SUMF2: variants seen among roughly 807,000 people sequenced by gnomAD.
SUMF2 encodes the protein sulfatase modifying factor 2.
SUMF2 carries 45 observed loss-of-function variants against 44.8 expected under a neutral mutation model. The ratio of observed to expected loss-of-function variants is 1.00; its 90% confidence interval spans 0.79 to 1.29. SUMF2 has a LOEUF of 1.29. Among genes scored for constraint, SUMF2 ranks in the 50% most tolerant of loss-of-function variants. The probability of loss-of-function intolerance (pLI) is 0.00; values close to 1 mark genes in which losing one functional copy is unlikely to be tolerated. For synonymous variants in SUMF2, 148 were observed against 150.4 expected, an observed-to-expected ratio of 0.98 and a Z score of 0.12; for missense variants, 418 against 389.9, an observed-to-expected ratio of 1.07 and a Z score of -0.61.
downstream of SUMF2, chr7:56,081,971 C>G: frequency 6.2e-7 from 1 of 1,613,956 alleles, no homozygotes. The surrounding 1 kb of genome is among the most constrained non-coding windows in gnomAD (Gnocchi z 4.6). Context: ...TCATCCTCAG[C>G]ATCAGCATCT....
Position 56,076,880 on chromosome 7 carries a change from C to T in SUMF2, c.582C>T (p.Asn194=). 2 of 1,606,380 alleles carry T rather than the reference C, an allele frequency of 1.2e-6. No homozygotes were observed. Among genetic ancestry groups the T allele is most frequent in the Admixed American group, 1.7e-5 (1 of 58,800 alleles). ...WGNWFQPNRT[N]LWQGKFPKGD... ...ACTGGTTCCAGCCAAACCGCACCAA[C>T]CTGTGGCAGGTAAGACCTACGTTCC... is the stretch of plus-strand genomic sequence containing the variant. Residue 194 remains asparagine, a synonymous_variant, in exon 6 of 9, where the codon AAC becomes AAT. Transcript: ENST00000434526.
intron 1 of SUMF2, among the ~76,000 whole-genome samples, chr7:56,066,466 G>A (rs1188710028): frequency 2.0e-5 from 3 of 152,094 alleles, no homozygotes; most frequent in Non-Finnish European, 4.4e-5. Flanking sequence ...TTTATTTTGA[G>A]ACAGAGTCTT....
At chr7:56,081,271 A>C (rs1562875685), downstream of SUMF2, 1 of 1,611,808 alleles carries the variant, frequency 6.2e-7, no homozygotes, top group African/African-American at 1.3e-5. This position sits in a 1 kb window ranked among gnomAD's most constrained non-coding sequence, Gnocchi z 4.6. Context: ...GTAGATCCGC[A>C]CTGAAGCCAG....
At position 56,073,072 on chromosome 7, in the gene SUMF2, C is replaced by G. The variant is rs1416442583; in HGVS notation, c.300C>G (p.Val100=). The change falls in exon 3 of 9, where the codon GTC becomes GTG. Residue 100 remains valine, a synonymous_variant. Coordinates refer to ENST00000434526, the MANE Select transcript of SUMF2 (RefSeq NM_015411.4). ...GGAGCTTTGTCTTTGAGGACTTTGT[C>G]TCTGATGAGCTGAGAAACAAAGCCA... The part of the protein sequence containing the change: ...FGWSFVFEDF[V]SDELRNKATQ... 7.4e-6 allele frequency: 12 copies of G among 1,614,074 alleles called. No homozygotes were observed. Among genetic ancestry groups the G allele is most frequent in the Non-Finnish European group, 1.0e-5 (12 of 1,180,028 alleles).
intron 6 of SUMF2, among the ~76,000 whole-genome samples, chr7:56,077,221 G>A (rs977403411): frequency 1.3e-5 from 2 of 150,522 alleles, no homozygotes; most frequent in Non-Finnish European, 3.0e-5. Context: ...TAATTTTTTT[G>A]TATTTTTAGT....
chr7:56,081,672 C>T (rs1448596685), downstream of SUMF2: 1 of 1,613,890 alleles, frequency 6.2e-7, no homozygotes, highest in East Asian at 2.2e-5. The surrounding 1 kb of genome is among the most constrained non-coding windows in gnomAD (Gnocchi z 4.6). Context: ...CTTCCTCCAC[C>T]AAGTACTGCT....
Position 56,064,357 on chromosome 7 carries a change from G to T in SUMF2, c.46G>T (p.Val16Phe). Residue 16 changes from valine (V) to phenylalanine (F), a missense_variant, in exon 1 of 9, where the codon GTC becomes TTC. By Grantham distance (50) the Val-to-Phe change is conservative. Transcript: ENST00000434526. ...GCTGCTGCCCCTGCTGTCGCTCCTG[G>T]TCGGCGCGTGGCTCAAGCTAGGTCA... ...LPLLPLLSLLVGAWLKLGNGQ... is the reference protein window; with the variant it reads ...LPLLPLLSLLFGAWLKLGNGQ... The T allele has an allele frequency of 6.2e-7, 1 of 1,604,312 alleles. No individual in the cohort carries two copies. Among genetic ancestry groups the T allele is most frequent in the Non-Finnish European group, 8.5e-7 (1 of 1,175,940 alleles).
At chr7:56,084,359 T>G, downstream of SUMF2, 1 of 561,580 alleles carries the variant, frequency 1.8e-6, no homozygotes, top group Non-Finnish European at 3.1e-6. Context: ...CAGAAGGACG[T>G]GAGTATCCCG....
At chr7:56,074,380 ATCCTGTT>A in intron 4 of SUMF2, 162 bp downstream of exon 4, 1 of 998,758 alleles carries the variant, frequency 1.0e-6, no homozygotes, top group Non-Finnish European at 1.5e-6. Flanking sequence ...ACCTGCCCGA[ATCCTGTT>A]TCCTGTTACC....
chr7:56,066,849 ACCTCAGGTAATCTGCCCG>A (rs1019770464), intron 1 of SUMF2, among the ~76,000 whole-genome samples: 3 of 152,140 alleles, frequency 2.0e-5, no homozygotes, highest in African/African-American at 7.2e-5. Context: ...CCAACTCCTG[ACCTCAGGTAATCTGCCCG>A]CCTCGGCCTC....
downstream of SUMF2, among the ~76,000 whole-genome samples, chr7:56,082,453 C>T (rs1346729067): frequency 6.6e-5 from 10 of 152,040 alleles, no homozygotes; most frequent in South Asian, 1.7e-3. Context: ...ATTAGCTGGG[C>T]GTGGTGGCAT....
rs113902777 is a variant in SUMF2 at position 56,078,607 on chromosome 7, CTGTG to C, written c.821+104_821+107del. The C allele has an allele frequency of 1.3e-5, 17 of 1,356,298 alleles. No individual in the cohort carries two copies. The African/African-American group carries it at 1.3e-4, about 11-fold the overall frequency. The allele number at this position is 1,356,298 out of a possible 1,614,324, so 84.0% of individuals were successfully genotyped here. On this transcript the variant is annotated intron_variant, in intron 8 of 8. Transcript: ENST00000434526. The stretch of plus-strand genomic sequence containing the variant: ...TCCCTACCTTCACACCACCAACCGT[CTGTG>C]TGTGATGAGCTGGTCCCAGCACCTC...
At chr7:56,067,331 T>G (rs1225047367) in intron 1 of SUMF2, among the ~76,000 whole-genome samples, 3 of 152,130 alleles carry the variant, frequency 2.0e-5, no homozygotes, top group Admixed American at 2.0e-4. Context: ...TTTTTATTTT[T>G]TGAGACAGGG....
chr7:56,080,925 T>C (rs1396301839), downstream of SUMF2: 1 of 1,113,510 alleles, frequency 9.0e-7, no homozygotes, highest in Non-Finnish European at 1.3e-6. Context: ...TGGCCTCAGT[T>C]CCAGGGGTTC....
At position 56,079,684 on chromosome 7, in the gene SUMF2, C is replaced by T; in HGVS notation, c.*72C>T. 5.0e-6 allele frequency: 8 copies of T among 1,613,906 alleles called. No individual in the cohort carries two copies. Among genetic ancestry groups the T allele is most frequent in the Non-Finnish European group, 5.1e-6 (6 of 1,179,884 alleles). The stretch of plus-strand genomic sequence containing the variant: ...TTCCCTGGCCATGTTGCAAACAGCG[C>T]AATTCCAAGCTCGAGAGCTTCAGCC... On this transcript the variant is annotated 3_prime_UTR_variant, in exon 9 of 9. Coordinates refer to ENST00000434526, the MANE Select transcript of SUMF2 (RefSeq NM_015411.4).
intron 2 of SUMF2, 67 bp downstream of exon 2, chr7:56,068,705 T>G: frequency 6.5e-7 from 1 of 1,547,810 alleles, no homozygotes; most frequent in Non-Finnish European, 8.7e-7. Context: ...TCTTTCTTTT[T>G]TTTTTTTTTG....
At chr7:56,082,130 AGCTGGGT>A, downstream of SUMF2, 1 of 1,611,060 alleles carries the variant, frequency 6.2e-7, no homozygotes, top group Non-Finnish European at 8.5e-7. Context: ...TGCCCAGCCT[AGCTGGGT>A]GCTCCTCCTT....
At chr7:56,084,389 T>TTTTTTC, downstream of SUMF2, 2 of 562,952 alleles carry the variant, frequency 3.6e-6, no homozygotes, top group Non-Finnish European at 6.3e-6. Context: ...TTTTTTTTTT[T>TTTTTTC]TTGAGATGGA....
At chr7:56,068,031 C>CTTTTTTTTTTTTT (rs565131237) in intron 1 of SUMF2, among the ~76,000 whole-genome samples, 10 of 110,350 alleles carry the variant, frequency 9.1e-5, no homozygotes, top group East Asian at 2.7e-4. Flanking sequence ...TTTTTTCTTT[C>CTTTTTTTTTTTTT]TTTTTTTTTT....
Sources: gnomAD v4.1 joint callset for allele counts (sites outside exome capture counted in the v4.1 genomes callset) on GRCh38, gnomAD v4.1.1 for gene constraint, Gnocchi (gnomAD v3.1) non-coding constraint, MANE v1.5 for transcripts, NCBI Gene and HGNC (gene_info 2026-07-23, HGNC 2026-07-21) for gene names.